Variants in FREM2 observed in about 807,000 individuals in gnomAD.
FREM2 encodes the protein FRAS1 related extracellular matrix 2, also known as FRAS1-related extracellular matrix protein 2.
In FREM2, 119 loss-of-function variants were observed where a neutral mutation model predicts 219.9. The observed-to-expected ratio is 0.54, with a 90% CI of 0.47 to 0.63. The LOEUF is 0.63. FREM2 is among the 30% of genes least tolerant of loss of function. FREM2 has a pLI of 0.00. For missense variants in FREM2, 4,030 were observed against 3,993.6 expected (o/e 1.01, Z -0.25); for synonymous variants, 1,562 against 1,522.8 (o/e 1.03, Z -0.60).
In FREM2 at chr13:38,689,920, C is replaced by A. The variant is rs1204323444; in HGVS notation, c.2576C>A (p.Thr859Asn). ...GAGTTGCACGTGAATGATGTAGACA[C>A]TGATGTTGCCCATATCTCTTTCACT... ...ETELHVNDVD[T>N]DVAHISFTLT... Residue 859 changes from threonine (T) to asparagine (N), a missense_variant, in exon 1 of 24, where the codon ACT becomes AAT. Around this residue, in one of 2 missense-constraint regions of FREM2, gnomAD observed 3,102 missense variants for 2,950.7 expected, o/e 1.05. Coordinates refer to ENST00000280481, the MANE Select transcript of FREM2 (RefSeq NM_207361.6). 6.2e-7 allele frequency: 1 copy of A among 1,614,058 alleles called. No homozygotes were observed. The highest frequency in any genetic ancestry group is 8.5e-7 in the Non-Finnish European group (1 of 1,180,036).
In FREM2 at chr13:38,784,780, A is replaced by G. The variant is rs761867523; in HGVS notation, c.5991A>G (p.Gln1997=). The G allele has an allele frequency of 6.8e-6, 11 of 1,614,222 alleles. No individual in the cohort carries two copies. In the South Asian group the frequency reaches 1.2e-4, roughly 18 times the overall value. ...TCGGATCAGAGTTCCCAGGGGCTCA[A>G]GTTACAATCGTTCCTGACAAAGATG... is the stretch of plus-strand genomic sequence containing the variant. ...GRIGSEFPGA[Q]VTIVPDKDDE... Residue 1997 remains glutamine (Q), a synonymous_variant, in exon 6 of 24, where the codon CAA becomes CAG. Transcript: ENST00000280481.
intron 2 of FREM2, among the ~76,000 whole-genome samples, chr13:38,742,684 T>G (rs1037640200): frequency 6.6e-6 from 1 of 152,226 alleles, no homozygotes. Flanking sequence ...TTGTGGGGCT[T>G]CCCAGTGAGG....
chr13:38,761,358 G>A (rs1230640409), intron 2 of FREM2, among the ~76,000 whole-genome samples: 1 of 152,038 alleles, frequency 6.6e-6, no homozygotes, highest in Non-Finnish European at 1.5e-5. Context: ...GTGGCATAAA[G>A]GTGTTTTCAT....
chr13:38,828,841 A>G (rs2137886082), intron 6 of FREM2, among the ~76,000 whole-genome samples: 1 of 152,264 alleles, frequency 6.6e-6, no homozygotes, highest in East Asian at 1.9e-4. Context: ...TGGCTATAAC[A>G]TATTTAACAA....
chr13:38,691,975 G>T lies in FREM2; in HGVS notation c.4631G>T (p.Ser1544Ile). Residue 1544 changes from serine to isoleucine, a missense_variant, in exon 1 of 24, where the codon AGT becomes ATT. Physicochemically the swap from Ser to Ile is moderately radical, Grantham distance 142. Coordinates refer to ENST00000280481, the MANE Select transcript of FREM2 (RefSeq NM_207361.6). ...GTCACCATCCACAAGCTGGTTGTCA[G>T]TGAAAGTGAAAACAAGCTGATTACT... ...PVVTIHKLVVSESENKLITPF... is the reference protein window; with the variant it reads ...PVVTIHKLVVIESENKLITPF... 2 of 1,614,228 alleles carry T rather than the reference G, an allele frequency of 1.2e-6. No individual in the cohort carries two copies. Among genetic ancestry groups the T allele is most frequent in the South Asian group, 2.2e-5 (2 of 91,090 alleles).
At chr13:38,801,006 A>G (rs1331878228) in intron 6 of FREM2, among the ~76,000 whole-genome samples, 2 of 152,128 alleles carry the variant, frequency 1.3e-5, no homozygotes, top group Admixed American at 6.5e-5. Flanking sequence ...TGGTTGCTTT[A>G]TTTGGTACTA....
At chr13:38,877,063 T>C (rs1878364832) in intron 20 of FREM2, 54 bp from the exon 21 acceptor site, 2 of 1,601,800 alleles carry the variant, frequency 1.2e-6, no homozygotes, top group African/African-American at 1.3e-5. Flanking sequence ...AACAGTATGT[T>C]TGTGCACCAT....
chr13:38,800,676 C>A (rs1347126414), intron 6 of FREM2, among the ~76,000 whole-genome samples: 2 of 152,212 alleles, frequency 1.3e-5, no homozygotes, highest in East Asian at 3.9e-4. Context: ...GTCACCCAGG[C>A]TGGAATGCAA....
At chr13:38,824,375 C>G (rs539142757) in intron 6 of FREM2, among the ~76,000 whole-genome samples, 2 of 152,186 alleles carry the variant, frequency 1.3e-5, no homozygotes, top group East Asian at 3.9e-4. Flanking sequence ...CCCCAATTTC[C>G]TCATAACGTA....
chr13:38,820,912 C>T (rs1392331460), intron 6 of FREM2, among the ~76,000 whole-genome samples: 1 of 152,116 alleles, frequency 6.6e-6, no homozygotes, highest in African/African-American at 2.4e-5. Flanking sequence ...ACATGTACCT[C>T]CATTACTAAA....
intron 23 of FREM2, 145 bp from the exon 24 acceptor site, chr13:38,880,139 A>G: frequency 2.4e-6 from 2 of 844,014 alleles, no homozygotes; most frequent in South Asian, 1.4e-5. Context: ...TGCACCTAGT[A>G]CTCATTCAAA....
intron 2 of FREM2, among the ~76,000 whole-genome samples, chr13:38,720,802 A>C (rs1254630565): frequency 6.6e-6 from 1 of 152,256 alleles, no homozygotes; most frequent in Non-Finnish European, 1.5e-5. Context: ...AGATAGGATG[A>C]GTCCTCTCAA....
At chr13:38,792,940 G>A (rs1467869549) in intron 6 of FREM2, among the ~76,000 whole-genome samples, 2 of 152,142 alleles carry the variant, frequency 1.3e-5, no homozygotes, top group Non-Finnish European at 2.9e-5. Context: ...AATTCACACT[G>A]TGAAGTTTTT....
chr13:38,697,067 T>G (rs1284973472), intron 1 of FREM2, among the ~76,000 whole-genome samples: 1 of 152,206 alleles, frequency 6.6e-6, no homozygotes, highest in East Asian at 1.9e-4. Context: ...CCCAAAGTGC[T>G]GGGATTATAC....
chr13:38,744,807 A>G (rs892365585), intron 2 of FREM2, among the ~76,000 whole-genome samples: 2 of 152,182 alleles, frequency 1.3e-5, no homozygotes, highest in Non-Finnish European at 2.9e-5. Context: ...CAATTATTTT[A>G]CAGTAAACAG....
At chr13:38,807,418 G>A (rs1476477926) in intron 6 of FREM2, among the ~76,000 whole-genome samples, 1 of 150,176 alleles carries the variant, frequency 6.7e-6, no homozygotes, top group Admixed American at 6.7e-5. Context: ...CATCTAGAAT[G>A]GTGAATTTTT....
intron 6 of FREM2, among the ~76,000 whole-genome samples, chr13:38,798,678 T>A (rs1874887953): frequency 6.6e-6 from 1 of 152,130 alleles, no homozygotes; most frequent in East Asian, 1.9e-4. Flanking sequence ...TTCTATTTCT[T>A]TCTGATTTAA....
intron 16 of FREM2, 49 bp from the exon 17 acceptor site, chr13:38,872,693 A>G (rs374211823): frequency 7.0e-5 from 107 of 1,528,676 alleles, no homozygotes; most frequent in Non-Finnish European, 9.3e-5. Context: ...AATTAGGCCC[A>G]CTTAGTTAAC....
intron 2 of FREM2, among the ~76,000 whole-genome samples, chr13:38,706,549 G>A (rs1359868386): frequency 6.9e-6 from 1 of 144,502 alleles, no homozygotes; most frequent in African/African-American, 2.4e-5. Flanking sequence ...AGTGTTGTGT[G>A]TATGTAGATA....
Sources: gnomAD v4.1 joint callset for allele counts (sites outside exome capture counted in the v4.1 genomes callset) on GRCh38, gnomAD v4.1.1 for gene constraint, gnomAD v4.1.1 regional missense constraint, MANE v1.5 for transcripts, NCBI Gene and HGNC (gene_info 2026-07-23, HGNC 2026-07-21) for gene names.